Variants in HIBADH observed in about 807,000 individuals in gnomAD.
HIBADH encodes the protein 3-hydroxyisobutyrate dehydrogenase, mitochondrial.
Under a neutral mutation model 36.1 loss-of-function variants are expected in HIBADH, and 25 were observed. The ratio of observed to expected loss-of-function variants is 0.69; its 90% confidence interval spans 0.50 to 0.97. The LOEUF (loss-of-function observed/expected upper bound fraction) is 0.97, where lower values mean the gene tolerates loss of function less well. Among genes scored for constraint, HIBADH ranks in the 50% least tolerant of loss-of-function variants. The probability of loss-of-function intolerance (pLI) is 0.00; values close to 1 mark genes in which losing one functional copy is unlikely to be tolerated. For missense variants in HIBADH, 421 were observed against 418.0 expected (o/e 1.01, Z -0.06); for synonymous variants, 160 against 149.5 (o/e 1.07, Z -0.51).
intron 4 of HIBADH, among the ~76,000 whole-genome samples, chr7:27,612,121 T>C (rs1328441121): frequency 6.6e-6 from 1 of 152,194 alleles, no homozygotes; most frequent in Non-Finnish European, 1.5e-5. Flanking sequence ...AGTGCCTTCT[T>C]TGTATGAACT....
At chr7:27,538,926 C>A (rs1392115347) in intron 5 of HIBADH, among the ~76,000 whole-genome samples, 1 of 151,942 alleles carries the variant, frequency 6.6e-6, no homozygotes, top group Non-Finnish European at 1.5e-5. Flanking sequence ...AGAAGGAGAT[C>A]CGGGGCGAAG....
chr7:27,579,811 AT>A (rs547029788), intron 4 of HIBADH, among the ~76,000 whole-genome samples: 206 of 152,336 alleles, frequency 1.4e-3, no homozygotes, highest in African/African-American at 4.7e-3. Flanking sequence ...TGTCCTACAA[AT>A]AAAAACACAG....
intron 4 of HIBADH, among the ~76,000 whole-genome samples, chr7:27,545,915 T>C (rs1057466900): frequency 8.5e-5 from 13 of 152,210 alleles, no homozygotes; most frequent in Non-Finnish European, 7.3e-5. Context: ...GGTTGGCTGA[T>C]AAATAGCATG....
intron 6 of HIBADH, among the ~76,000 whole-genome samples, chr7:27,535,050 A>G (rs1251172123): frequency 2.7e-5 from 4 of 148,224 alleles, no homozygotes; most frequent in African/African-American, 9.9e-5. Context: ...ATAGTCAACA[A>G]CTAGCCAGTA....
At chr7:27,583,710 T>A (rs959102323) in intron 4 of HIBADH, among the ~76,000 whole-genome samples, 2 of 152,056 alleles carry the variant, frequency 1.3e-5, no homozygotes, top group African/African-American at 4.8e-5. Flanking sequence ...TTTAAACCAG[T>A]GGTTCTTAAA....
intron 4 of HIBADH, among the ~76,000 whole-genome samples, chr7:27,617,792 T>C (rs1470385027): frequency 2.6e-5 from 4 of 151,980 alleles, no homozygotes; most frequent in Non-Finnish European, 5.9e-5. Context: ...CTAGCGCAGG[T>C]GGAGATCTGG....
At chr7:27,614,307 ATG>A (rs1249537785) in intron 4 of HIBADH, among the ~76,000 whole-genome samples, 1 of 152,218 alleles carries the variant, frequency 6.6e-6, no homozygotes, top group African/African-American at 2.4e-5. Context: ...AACATAGTAT[ATG>A]CCTGCTACCT....
chr7:27,602,572 T>C (rs1785148995), intron 4 of HIBADH, among the ~76,000 whole-genome samples: 1 of 152,186 alleles, frequency 6.6e-6, no homozygotes, highest in Non-Finnish European at 1.5e-5. Context: ...ACAAGTTTCC[T>C]TAGTCTTTTA....
At position 27,555,137 on chromosome 7, in the gene HIBADH, A is replaced by AT. The variant is rs201017405; in HGVS notation, c.485-12038dup. The stretch of plus-strand genomic sequence containing the variant: ...TGGGAAGTAGTTTAAAAATTATTTT[A>AT]TTTTTGGTCTACTTCAAGGACTAAA... On this transcript the variant is annotated intron_variant, in intron 4 of 7. Coordinates refer to ENST00000265395, the MANE Select transcript of HIBADH (RefSeq NM_152740.4). Among the ~76,000 whole-genome samples the AT allele has an allele frequency of 6.7e-3, 1,018 of 152,144 alleles. 13 individuals are homozygous for AT. The highest frequency in any genetic ancestry group is 0.022 in the African/African-American group (931 of 41,504).
At chr7:27,566,753 C>T (rs1455859705) in intron 4 of HIBADH, among the ~76,000 whole-genome samples, 1 of 152,050 alleles carries the variant, frequency 6.6e-6, no homozygotes, top group East Asian at 1.9e-4. Flanking sequence ...TTGTTCAGTT[C>T]AAAATATTTT....
intron 4 of HIBADH, among the ~76,000 whole-genome samples, chr7:27,622,943 G>C (rs1785570852): frequency 6.6e-6 from 1 of 152,046 alleles, no homozygotes; most frequent in East Asian, 1.9e-4. Context: ...CCCAAAATCA[G>C]ACAAGGACAC....
intron 4 of HIBADH, among the ~76,000 whole-genome samples, chr7:27,628,045 C>T (rs1028432115): frequency 6.6e-5 from 10 of 152,120 alleles, no homozygotes; most frequent in African/African-American, 2.2e-4. Context: ...TTTTCAAATT[C>T]AACTGCAGAA....
intron 4 of HIBADH, among the ~76,000 whole-genome samples, chr7:27,551,373 A>C (rs1005049433): frequency 6.6e-6 from 1 of 152,208 alleles, no homozygotes; most frequent in Non-Finnish European, 1.5e-5. Flanking sequence ...TGATAAAAAC[A>C]CTGGCCATAC....
chr7:27,526,110 A>G lies in HIBADH; in HGVS notation c.*104T>C. Reference sequence around the variant, plus strand: ...TACTGTGACCTAGACAATCAAAAGCAGATAGGTGACCTTTGATTAAATCCA... The same window carrying G: ...TACTGTGACCTAGACAATCAAAAGCGGATAGGTGACCTTTGATTAAATCCA... On this transcript the variant is annotated 3_prime_UTR_variant, in exon 8 of 8. Coordinates refer to ENST00000265395, the MANE Select transcript of HIBADH (RefSeq NM_152740.4). The G allele has an allele frequency of 1.1e-6, 1 of 915,726 alleles. No homozygotes were observed. Among genetic ancestry groups the G allele is most frequent in the Non-Finnish European group, 1.5e-6 (1 of 647,582 alleles). The allele number at this position is 915,726 out of a possible 1,614,324, so 56.7% of individuals were successfully genotyped here.
At chr7:27,550,467 CT>C (rs1431242962) in intron 4 of HIBADH, among the ~76,000 whole-genome samples, 1 of 152,166 alleles carries the variant, frequency 6.6e-6, no homozygotes, top group Non-Finnish European at 1.5e-5. Context: ...GCAACAAAAA[CT>C]ACCACTCAAT....
intron 4 of HIBADH, among the ~76,000 whole-genome samples, chr7:27,572,299 G>A (rs540685381): frequency 3.3e-4 from 50 of 152,212 alleles, no homozygotes; most frequent in African/African-American, 1.1e-3. Context: ...TACATTTATT[G>A]TAATTTATCC....
At chr7:27,631,543 A>G (rs1388699547) in intron 3 of HIBADH, among the ~76,000 whole-genome samples, 2 of 152,220 alleles carry the variant, frequency 1.3e-5, no homozygotes, top group Non-Finnish European at 2.9e-5. Context: ...GAATAGAAAC[A>G]GTGACATGAC....
At chr7:27,619,298 C>A (rs1266150362) in intron 4 of HIBADH, among the ~76,000 whole-genome samples, 1 of 152,096 alleles carries the variant, frequency 6.6e-6, no homozygotes, top group Non-Finnish European at 1.5e-5. Flanking sequence ...CACAGATACA[C>A]CTTTAAGAAA....
At chr7:27,562,841 C>T (rs1455058502) in intron 4 of HIBADH, among the ~76,000 whole-genome samples, 1 of 152,156 alleles carries the variant, frequency 6.6e-6, no homozygotes, top group Non-Finnish European at 1.5e-5. Context: ...TTTTAATGTA[C>T]ATCTCTTGGT....
Sources: allele counts gnomAD v4.1 joint callset (sites outside exome capture counted in the v4.1 genomes callset), GRCh38; gene constraint gnomAD v4.1.1; transcripts MANE v1.5; gene names NCBI Gene and HGNC (gene_info 2026-07-23, HGNC 2026-07-21).